RPS6KA2: variants seen among roughly 807,000 people sequenced by gnomAD.
RPS6KA2 encodes ribosomal protein S6 kinase A2, also known as ribosomal protein S6 kinase alpha-2.
In RPS6KA2, 42 loss-of-function variants were observed where a neutral mutation model predicts 91.8. That is an observed-to-expected ratio of 0.46 (90% confidence interval 0.36 to 0.59). The LOEUF is 0.59. Ranked by LOEUF, RPS6KA2 falls within the 20% of genes least tolerant of loss-of-function variation. The pLI, the probability that RPS6KA2 is intolerant of heterozygous loss-of-function variation, is 0.00. For synonymous variants in RPS6KA2, 414 were observed against 393.6 expected, an observed-to-expected ratio of 1.05 and a Z score of -0.61; for missense variants, 798 against 978.5, an observed-to-expected ratio of 0.82 and a Z score of 2.46.
chr6:166,624,711 C>T (rs976681189), intron 1 of RPS6KA2, among the ~76,000 whole-genome samples: 2 of 152,212 alleles, frequency 1.3e-5, no homozygotes, highest in Non-Finnish European at 2.9e-5. Context: ...GACTCTCAAA[C>T]TCTCAGGGTT....
intron 14 of RPS6KA2, chr6:166,439,869 T>C (rs1030485833): frequency 1.3e-5 from 2 of 152,338 alleles, no homozygotes; most frequent in Admixed American, 1.3e-4. Flanking sequence ...TCACTAGAGA[T>C]AGCAATCTGG....
chr6:166,504,395 A>T (rs1782125065), intron 6 of RPS6KA2, 111 bp downstream of exon 6: 1 of 663,692 alleles, frequency 1.5e-6, no homozygotes, highest in Non-Finnish European at 2.6e-6. Flanking sequence ...CTGCTCTCTG[A>T]TATGTCCTCA....
At chr6:166,638,564 G>A (rs1311432507) in intron 2 of RPS6KA2, among the ~76,000 whole-genome samples, 6 of 152,302 alleles carry the variant, frequency 3.9e-5, no homozygotes, top group African/African-American at 9.6e-5. Context: ...AAAAACGACC[G>A]CGGTAAGCAG....
At position 166,554,303 on chromosome 6, in the gene RPS6KA2, T is replaced by C. The variant is rs1784113912; in HGVS notation, c.100-15519A>G. Reference sequence around the variant, plus strand: ...AAATTTTGCTCGTTCGTGAGCATTTTAGCTTCTGTTTCAAGTCTTAAGACT... The same window carrying C: ...AAATTTTGCTCGTTCGTGAGCATTTCAGCTTCTGTTTCAAGTCTTAAGACT... On this transcript the variant is annotated intron_variant, in intron 1 of 20. Transcript: ENST00000265678. This position sits in a 1 kb window ranked among gnomAD's most constrained non-coding sequence, Gnocchi z 4.3. Among the ~76,000 whole-genome samples, 1 of 152,244 alleles carries C rather than the reference T, an allele frequency of 6.6e-6. No individual in the cohort carries two copies. The highest frequency in any genetic ancestry group is 1.5e-5 in the Non-Finnish European group (1 of 68,032).
chr6:166,671,745 T>C (rs1166585372), intron 2 of RPS6KA2, among the ~76,000 whole-genome samples: 1 of 151,880 alleles, frequency 6.6e-6, no homozygotes, highest in Admixed American at 6.6e-5. Flanking sequence ...GAAAACCTGG[T>C]AACAGGGACA....
chr6:166,723,478 A>G (rs978691389), intron 2 of RPS6KA2, among the ~76,000 whole-genome samples: 1 of 151,554 alleles, frequency 6.6e-6, no homozygotes, highest in African/African-American at 2.4e-5. Context: ...CGCCTTCCTC[A>G]GCTGGTGCCA....
chr6:166,580,740 CT>C (rs1432809032), intron 1 of RPS6KA2, among the ~76,000 whole-genome samples: 2 of 151,658 alleles, frequency 1.3e-5, no homozygotes, highest in Non-Finnish European at 2.9e-5. Context: ...CCCAGTGTGC[CT>C]TGTGTCCCTG....
chr6:166,624,710 A>G (rs1786772739), intron 1 of RPS6KA2, among the ~76,000 whole-genome samples: 1 of 152,006 alleles, frequency 6.6e-6, no homozygotes, highest in African/African-American at 2.4e-5. Context: ...AGACTCTCAA[A>G]CTCTCAGGGT....
chr6:166,451,089 G>T lies in RPS6KA2; in HGVS notation c.1206+14C>A. 1 of 1,613,734 alleles carries T rather than the reference G, an allele frequency of 6.2e-7. No individual in the cohort carries two copies. The highest frequency in any genetic ancestry group is 8.5e-7 in the Non-Finnish European group (1 of 1,179,774). On this transcript the variant is annotated intron_variant, in intron 13 of 20. Transcript: ENST00000265678. ...CCCTCTTACCCCCAACCCACTGCAG[G>T]CAAACACAGTTACCTGCACGATTGG...
intron 1 of RPS6KA2, among the ~76,000 whole-genome samples, chr6:166,604,343 T>G (rs575716858): frequency 6.6e-6 from 1 of 152,096 alleles, no homozygotes; most frequent in Non-Finnish European, 1.5e-5. Flanking sequence ...CCCAAATAGG[T>G]TTGCTTATAT....
intron 1 of RPS6KA2, among the ~76,000 whole-genome samples, chr6:166,607,140 C>CAA (rs35281961): frequency 0.019 from 1,830 of 97,748 alleles, 38 homozygotes; most frequent in Middle Eastern, 0.027. Flanking sequence ...AAAACTCCGT[C>CAA]AAAAAAAAAA....
At chr6:166,701,661 A>C in intron 2 of RPS6KA2, 1 of 1,266,832 alleles carries the variant, frequency 7.9e-7, no homozygotes, top group Non-Finnish European at 1.2e-6. Context: ...TCATGGCTGA[A>C]GGGGGCCCTG....
intron 2 of RPS6KA2, among the ~76,000 whole-genome samples, chr6:166,680,589 C>T (rs150746008): frequency 7.1e-4 from 108 of 152,182 alleles, no homozygotes; most frequent in African/African-American, 2.5e-3. Flanking sequence ...AGTGACAGCA[C>T]GAGCCCGCCA....
At chr6:166,643,731 A>T (rs1787521253) in intron 2 of RPS6KA2, among the ~76,000 whole-genome samples, 1 of 152,200 alleles carries the variant, frequency 6.6e-6, no homozygotes, top group African/African-American at 2.4e-5. Flanking sequence ...AATCCTCCTA[A>T]AGTTCTGACC....
At chr6:166,682,936 C>T (rs1171390177) in intron 2 of RPS6KA2, among the ~76,000 whole-genome samples, 1 of 152,182 alleles carries the variant, frequency 6.6e-6, no homozygotes, top group East Asian at 1.9e-4. Context: ...AGACCCAAAC[C>T]AATGAGTTGA....
At chr6:166,675,567 C>A (rs112099821) in intron 2 of RPS6KA2, among the ~76,000 whole-genome samples, 231 of 152,220 alleles carry the variant, frequency 1.5e-3, no homozygotes, top group African/African-American at 5.3e-3. Context: ...GCTGGGTGGT[C>A]CCCTCCACAG....
intron 2 of RPS6KA2, among the ~76,000 whole-genome samples, chr6:166,714,335 G>T (rs1009415714): frequency 6.6e-6 from 1 of 152,152 alleles, no homozygotes; most frequent in African/African-American, 2.4e-5. Flanking sequence ...CTCTTGTTTC[G>T]GGTCCTGGGA....
chr6:166,827,392 T>C (rs969353815), intron 2 of RPS6KA2, among the ~76,000 whole-genome samples: 4 of 152,186 alleles, frequency 2.6e-5, no homozygotes, highest in African/African-American at 7.2e-5. Context: ...TCAGCCTTGT[T>C]ATTGATCTTG....
chr6:166,789,930 C>G (rs113306909), intron 2 of RPS6KA2, among the ~76,000 whole-genome samples: 3,525 of 152,208 alleles, frequency 0.023, 149 homozygotes, highest in African/African-American at 0.081. Flanking sequence ...GAGCAGAAAA[C>G]TGGAAACTCT....
Sources: gnomAD v4.1 joint callset for allele counts (sites outside exome capture counted in the v4.1 genomes callset) on GRCh38, gnomAD v4.1.1 for gene constraint, Gnocchi (gnomAD v3.1) non-coding constraint, MANE v1.5 for transcripts, NCBI Gene and HGNC (gene_info 2026-07-23, HGNC 2026-07-21) for gene names.